The following ADAMTSL1 variants were observed in gnomAD, a reference collection of about 807,000 sequenced individuals.
ADAMTSL1 encodes ADAMTS-like protein 1.
ADAMTSL1 carries 126 observed loss-of-function variants against 201.8 expected under a neutral mutation model. The observed-to-expected ratio is 0.62, with a 90% CI of 0.54 to 0.72. The LOEUF (loss-of-function observed/expected upper bound fraction) is 0.72, where lower values mean the gene tolerates loss of function less well. Ranked by LOEUF, ADAMTSL1 falls within the 30% of genes least tolerant of loss-of-function variation. The pLI, the probability that ADAMTSL1 is intolerant of heterozygous loss-of-function variation, is 0.00. For synonymous variants in ADAMTSL1, 1,121 were observed against 903.4 expected, an observed-to-expected ratio of 1.24 and a Z score of -4.32; for missense variants, 2,679 against 2,277.8, an observed-to-expected ratio of 1.18 and a Z score of -3.59.
At chr9:18,203,704 G>A (rs192867130) in intron 2 of ADAMTSL1, among the ~76,000 whole-genome samples, 40 of 152,238 alleles carry the variant, frequency 2.6e-4, no homozygotes, top group African/African-American at 9.4e-4. Context: ...ATCAAGGACA[G>A]GGAAAATACA....
intron 1 of ADAMTSL1, among the ~76,000 whole-genome samples, chr9:18,098,831 C>T (rs1824365896): frequency 6.6e-6 from 1 of 152,128 alleles, no homozygotes; most frequent in African/African-American, 2.4e-5. Flanking sequence ...TCATCAGGAC[C>T]ACAGTGCTTA....
intron 4 of ADAMTSL1, among the ~76,000 whole-genome samples, chr9:18,606,821 C>G (rs1825048767): frequency 6.6e-6 from 1 of 152,164 alleles, no homozygotes; most frequent in African/African-American, 2.4e-5. Context: ...TAAGTGAGAA[C>G]CATCCGCTGC....
intron 2 of ADAMTSL1, among the ~76,000 whole-genome samples, chr9:18,389,310 T>C (rs1837947612): frequency 6.6e-6 from 1 of 152,182 alleles, no homozygotes; most frequent in Admixed American, 6.5e-5. Context: ...ACTTTCTGTG[T>C]ATCTTCTAGA....
At chr9:18,399,641 G>T (rs966619049) in intron 2 of ADAMTSL1, among the ~76,000 whole-genome samples, 3 of 151,772 alleles carry the variant, frequency 2.0e-5, no homozygotes, top group African/African-American at 7.3e-5. Flanking sequence ...ATGAGCCACC[G>T]CACCTGGCTA....
chr9:18,404,097 T>C (rs1352602782), intron 2 of ADAMTSL1, among the ~76,000 whole-genome samples: 3 of 152,226 alleles, frequency 2.0e-5, no homozygotes, highest in African/African-American at 7.2e-5. Flanking sequence ...ATGTTACTTA[T>C]CCTTCTCTCA....
At chr9:18,529,743 C>T (rs1353135522) in intron 2 of ADAMTSL1, among the ~76,000 whole-genome samples, 3 of 152,062 alleles carry the variant, frequency 2.0e-5, no homozygotes, top group African/African-American at 7.2e-5. Flanking sequence ...CATACTTAAG[C>T]ATTACCACCT....
chr9:17,937,275 G>A (rs1008374237), intron 1 of ADAMTSL1, among the ~76,000 whole-genome samples: 1 of 152,134 alleles, frequency 6.6e-6, no homozygotes, highest in Admixed American at 6.6e-5. Flanking sequence ...CCTCACAATA[G>A]CCATTTCAGG....
intron 4 of ADAMTSL1, among the ~76,000 whole-genome samples, chr9:18,611,414 T>C (rs771348954): frequency 6.6e-5 from 10 of 152,164 alleles, no homozygotes; most frequent in Non-Finnish European, 1.3e-4. Flanking sequence ...GTAGTGTCTG[T>C]ATGCACAAAT....
At chr9:17,978,848 A>G (rs185057077) in intron 1 of ADAMTSL1, among the ~76,000 whole-genome samples, 1 of 152,230 alleles carries the variant, frequency 6.6e-6, no homozygotes, top group East Asian at 1.9e-4. Flanking sequence ...AGCATTTCTC[A>G]TAAGGCAGGG....
At chr9:18,307,856 C>T (rs930054289) in intron 2 of ADAMTSL1, among the ~76,000 whole-genome samples, 7 of 152,170 alleles carry the variant, frequency 4.6e-5, no homozygotes, top group Admixed American at 6.5e-5. Context: ...TAATAGACAT[C>T]TATAGGACTC....
chr9:18,332,248 T>A (rs1835058767), intron 2 of ADAMTSL1, among the ~76,000 whole-genome samples: 1 of 152,204 alleles, frequency 6.6e-6, no homozygotes, highest in South Asian at 2.1e-4. Flanking sequence ...AAACATACAC[T>A]TTATGTACTA....
chr9:18,396,477 ATAT>A (rs1817757040), intron 2 of ADAMTSL1, among the ~76,000 whole-genome samples: 1 of 148,566 alleles, frequency 6.7e-6, no homozygotes, highest in Non-Finnish European at 1.5e-5. Context: ...ATTAAATTTT[ATAT>A]TAACAAATAT....
chr9:18,795,278 CTGT>C, intron 19 of ADAMTSL1, 116 bp from the exon 20 acceptor site: 1 of 1,331,306 alleles, frequency 7.5e-7, no homozygotes, highest in Non-Finnish European at 1.0e-6. Context: ...TGGTTTGTCT[CTGT>C]TGTTAAAACA....
At chr9:18,761,638 A>ATT (rs1193635224) in intron 16 of ADAMTSL1, among the ~76,000 whole-genome samples, 1 of 151,906 alleles carries the variant, frequency 6.6e-6, no homozygotes, top group South Asian at 2.1e-4. Context: ...CTTTGGAAAC[A>ATT]TTTTTTTCTT....
chr9:18,514,267 C>T (rs370930305), intron 2 of ADAMTSL1, among the ~76,000 whole-genome samples: 64 of 145,818 alleles, frequency 4.4e-4, no homozygotes, highest in African/African-American at 1.4e-3. Context: ...AGACTGTTCT[C>T]TTAATTTCTT....
At chr9:18,905,952 G>C in intron 27 of ADAMTSL1, 61 bp downstream of exon 27, 1 of 1,405,634 alleles carries the variant, frequency 7.1e-7, no homozygotes. Context: ...GAAAGATGGT[G>C]CTGAGTGAAT....
chr9:18,184,203 G>A (rs747607270), intron 2 of ADAMTSL1, among the ~76,000 whole-genome samples: 3 of 152,160 alleles, frequency 2.0e-5, no homozygotes, highest in East Asian at 3.9e-4. Flanking sequence ...TGTAAAGTCT[G>A]ATAGCAATTG....
At chr9:18,619,941 T>C (rs1002924956) in intron 4 of ADAMTSL1, among the ~76,000 whole-genome samples, 1 of 152,046 alleles carries the variant, frequency 6.6e-6, no homozygotes, top group Non-Finnish European at 1.5e-5. Flanking sequence ...GCTTTGAATG[T>C]TGCCTAAATT....
At chr9:18,040,322 T>C (rs1821377917) in intron 1 of ADAMTSL1, among the ~76,000 whole-genome samples, 1 of 152,166 alleles carries the variant, frequency 6.6e-6, no homozygotes, top group Non-Finnish European at 1.5e-5. Context: ...AATAAAGCCC[T>C]TTTGGACATG....
Sources: allele counts gnomAD v4.1 joint callset (sites outside exome capture counted in the v4.1 genomes callset), GRCh38; gene constraint gnomAD v4.1.1; transcripts MANE v1.5; gene names NCBI Gene and HGNC (gene_info 2026-07-23, HGNC 2026-07-21).